Variants in ZNF784 observed in about 807,000 individuals in gnomAD.
ZNF784 encodes the protein zinc finger protein 784.
Under a neutral mutation model 3.3 loss-of-function variants are expected in ZNF784, and 5 were observed. That is an observed-to-expected ratio of 1.53 (90% confidence interval 0.80 to 3.22). ZNF784 has a LOEUF of 3.22. ZNF784 is among the 30% of genes most tolerant of loss of function. ZNF784 has a pLI of 0.00. For synonymous variants in ZNF784, 231 were observed against 219.6 expected, an observed-to-expected ratio of 1.05 and a Z score of -0.46; for missense variants, 501 against 480.7, an observed-to-expected ratio of 1.04 and a Z score of -0.39.
Position 55,622,119 on chromosome 19 carries a change from C to G in ZNF784, c.604G>C (p.Ala202Pro), listed in dbSNP as rs772840257. ...TCTGAGGAGCGGCGGAAGGGCTTGG[C>G]GCAGAACCTGCAGGCAAAAGGCTTC... is the stretch of plus-strand genomic sequence containing the variant. Reference protein sequence around the residue: ...VGKPFACRFCAKPFRRSSDMR... With the variant: ...VGKPFACRFCPKPFRRSSDMR... The change falls in exon 2 of 2, where the codon GCC becomes CCC. Residue 202 changes from alanine to proline, a missense_variant. Coordinates refer to ENST00000325351, the MANE Select transcript of ZNF784 (RefSeq NM_203374.2). This position sits in a 1 kb window ranked among gnomAD's most constrained non-coding sequence, Gnocchi z 5.9. 7.1e-6 allele frequency: 11 copies of G among 1,551,964 alleles called. No homozygotes were observed. The South Asian group carries it at 1.3e-4, about 18-fold the overall frequency.
In ZNF784 at chr19:55,622,295, G is replaced by A. The variant is rs1305713469; in HGVS notation, c.428C>T (p.Pro143Leu). The change falls in exon 2 of 2, where the codon CCC becomes CTC. Residue 143 changes from proline to leucine, a missense_variant. Coordinates refer to ENST00000325351, the MANE Select transcript of ZNF784 (RefSeq NM_203374.2). This position sits in a 1 kb window ranked among gnomAD's most constrained non-coding sequence, Gnocchi z 5.9. The part of the protein sequence containing the change: ...LCPRAFKALA[P>L]LLRHQHRHGV... ...GTGCCGGTGCTGGTGCCGGAGCAGG[G>A]GCGCCAAGGCCTTGAAGGCGCGGGG... is the stretch of plus-strand genomic sequence containing the variant. 6.6e-7 allele frequency: 1 copy of A among 1,521,896 alleles called. No individual in the cohort carries two copies. Among genetic ancestry groups the A allele is most frequent in the Admixed American group, 2.2e-5 (1 of 45,548 alleles). The allele number at this position is 1,521,896 out of a possible 1,614,324, so 94.3% of individuals were successfully genotyped here.
At position 55,621,368 on chromosome 19, in the gene ZNF784, T is replaced by G; in HGVS notation, c.*383A>C. 3 of 321,644 alleles carry G rather than the reference T, an allele frequency of 9.3e-6. No individual in the cohort carries two copies. Among genetic ancestry groups the G allele is most frequent in the East Asian group, 7.9e-5 (1 of 12,710 alleles). 19.9% of individuals were successfully genotyped at this position (321,644 alleles called of 1,614,324 possible). On this transcript the variant is annotated 3_prime_UTR_variant, in exon 2 of 2. Transcript: ENST00000325351. The surrounding 1 kb of genome is among the most constrained non-coding windows in gnomAD (Gnocchi z 4.1). ...GGTGGACCCCAATTCCCCCCTTCCA[T>G]TCGATCCTGGCTCCTCCTCTGAAGT...
Position 55,621,859 on chromosome 19 carries a change from C to G in ZNF784, c.864G>C (p.Gln288His). The change falls in exon 2 of 2, where the codon CAG (glutamine) becomes CAC (histidine). Residue 288 changes from glutamine to histidine, a missense_variant. Transcript: ENST00000325351. This position sits in a 1 kb window ranked among gnomAD's most constrained non-coding sequence, Gnocchi z 4.1. ...PGPGLGDSGGQLGSSAAEGSG... is the reference protein window; with the variant it reads ...PGPGLGDSGGHLGSSAAEGSG... ...ACCCCTCAGCCGCCGACGAGCCCAG[C>G]TGGCCTCCAGAGTCTCCCAGCCCCG... 6.3e-7 allele frequency: 1 copy of G among 1,585,552 alleles called. No individual in the cohort carries two copies. Among genetic ancestry groups the G allele is most frequent in the Non-Finnish European group, 8.5e-7 (1 of 1,173,284 alleles).
rs1256484479 is a variant in ZNF784, at chr19:55,621,844, C to A, written c.879G>T (p.Ala293=). ...CACACCCGCTCCCCGACCCCTCAGC[C>A]GCCGACGAGCCCAGCTGGCCTCCAG... ...GDSGGQLGSS[A]AEGSGSGCGV... is the part of the protein sequence containing the mutation. The change falls in exon 2 of 2, where the codon GCG becomes GCT. Residue 293 remains alanine, a synonymous_variant. Transcript: ENST00000325351. The surrounding 1 kb of genome is among the most constrained non-coding windows in gnomAD (Gnocchi z 4.1). 2 of 1,583,330 alleles carry A rather than the reference C, an allele frequency of 1.3e-6. No individual in the cohort carries two copies. The highest frequency in any genetic ancestry group is 1.7e-6 in the Non-Finnish European group (2 of 1,172,902).
Position 55,621,327 on chromosome 19 carries a change from C to A in ZNF784, c.*424G>T. On this transcript the variant is annotated 3_prime_UTR_variant, in exon 2 of 2. Transcript: ENST00000325351. This position sits in a 1 kb window ranked among gnomAD's most constrained non-coding sequence, Gnocchi z 4.1. Reference sequence around the variant, plus strand: ...CCATCCTGGTCCACCCGTGGAGGACCAGAGCAGAAGACTATGGTGGACCCC... The same window carrying A: ...CCATCCTGGTCCACCCGTGGAGGACAAGAGCAGAAGACTATGGTGGACCCC... 3.9e-6 allele frequency: 1 copy of A among 253,516 alleles called. No homozygotes were observed. The highest frequency in any genetic ancestry group is 4.8e-5 in the South Asian group (1 of 20,950). 15.7% of individuals were successfully genotyped at this position (253,516 alleles called of 1,614,324 possible).
rs933929999 is a variant in ZNF784 at position 55,621,227 on chromosome 19, C to G, written c.*524G>C. ...ATCCCAGAGTCTCTTCACAGATAAC[C>G]TGGTGAGTGTCTTCTGCCAGAGGGT... On this transcript the variant is annotated 3_prime_UTR_variant, in exon 2 of 2. Transcript: ENST00000325351. The surrounding 1 kb of genome is among the most constrained non-coding windows in gnomAD (Gnocchi z 4.1). 1 of 166,958 alleles carries G rather than the reference C, an allele frequency of 6.0e-6. No homozygotes were observed. Among genetic ancestry groups the G allele is most frequent in the Non-Finnish European group, 1.3e-5 (1 of 75,796 alleles). 10.3% of individuals were successfully genotyped at this position (166,958 alleles called of 1,614,324 possible). A position where few individuals can be genotyped will look rare whatever the true frequency, so the allele number is the denominator to read the frequency against.
In ZNF784 at chr19:55,622,169, G is replaced by A. The variant is rs752541017; in HGVS notation, c.554C>T (p.Ala185Val). ...APERAEVVMA[A>V]AAAGAAVGKP... ...CCCCACCGCTGCGCCCGCCGCCGCCGCCGCCATCACCACCTCCGCCCTCTC... is the reference window on the plus strand; with the variant it reads ...CCCCACCGCTGCGCCCGCCGCCGCCACCGCCATCACCACCTCCGCCCTCTC... Residue 185 changes from alanine (A) to valine (V), a missense_variant, in exon 2 of 2, where the codon GCG becomes GTG. Physicochemically the swap from Ala to Val is moderately conservative, Grantham distance 64. Transcript: ENST00000325351. This position sits in a 1 kb window ranked among gnomAD's most constrained non-coding sequence, Gnocchi z 5.9. 74 of 1,533,414 alleles carry A rather than the reference G, an allele frequency of 4.8e-5. No homozygotes were observed. The Admixed American group carries it at 1.3e-3, about 26-fold the overall frequency. The allele number at this position is 1,533,414 out of a possible 1,614,324, so 95.0% of individuals were successfully genotyped here. A position where few individuals can be genotyped will look rare whatever the true frequency, so the allele number is the denominator to read the frequency against.
intron 1 of ZNF784, among the ~76,000 whole-genome samples, chr19:55,623,229 C>T (rs138586079): frequency 6.6e-6 from 1 of 152,224 alleles, no homozygotes; most frequent in East Asian, 1.9e-4. Context: ...AGAGGGAGTC[C>T]CACTATGTTG....
In ZNF784 at chr19:55,622,610, G is replaced by GGT; in HGVS notation, c.111_112dup (p.Pro38HisfsTer12). On this transcript the variant is annotated frameshift_variant, in exon 2 of 2. Coordinates refer to ENST00000325351, the MANE Select transcript of ZNF784 (RefSeq NM_203374.2). LOFTEE classifies it low-confidence loss of function (END_TRUNC). This position sits in a 1 kb window ranked among gnomAD's most constrained non-coding sequence, Gnocchi z 5.9. ...CTGGATCTCGATGAGGTCACTCGGG[G>GGT]GTGTGCCAGGCCGGCAGTCATCAGG... is the stretch of plus-strand genomic sequence containing the variant. 6.3e-7 allele frequency: 1 copy of GGT among 1,579,872 alleles called. No individual in the cohort carries two copies. Among genetic ancestry groups the GGT allele is most frequent in the Non-Finnish European group, 8.6e-7 (1 of 1,162,092 alleles).
chr19:55,624,284 C>CT (rs1191711391), intron 1 of ZNF784, among the ~76,000 whole-genome samples, 200 bp downstream of exon 1: 2 of 142,108 alleles, frequency 1.4e-5, no homozygotes, highest in African/African-American at 5.2e-5. Context: ...CCATAGGTCC[C>CT]TCCCCCACCC....
At chr19:55,623,554 C>T (rs193039216) in intron 1 of ZNF784, among the ~76,000 whole-genome samples, 1 of 152,326 alleles carries the variant, frequency 6.6e-6, no homozygotes, top group East Asian at 1.9e-4. Flanking sequence ...CAGATCAAGT[C>T]ATTTTTCGCA....
intron 1 of ZNF784, among the ~76,000 whole-genome samples, chr19:55,624,011 C>T (rs1981654730): frequency 1.3e-5 from 2 of 152,100 alleles, no homozygotes; most frequent in Non-Finnish European, 2.9e-5. Context: ...CTTGGGCATT[C>T]GAGAAGCATC....
At position 55,621,312 on chromosome 19, in the gene ZNF784, C is replaced by G. The variant is rs1981541263; in HGVS notation, c.*439G>C. 2 of 233,266 alleles carry G rather than the reference C, an allele frequency of 8.6e-6. No homozygotes were observed. Among genetic ancestry groups the G allele is most frequent in the Admixed American group, 5.2e-5 (1 of 19,344 alleles). The allele number at this position is 233,266 out of a possible 1,614,324, so 14.4% of individuals were successfully genotyped here. On this transcript the variant is annotated 3_prime_UTR_variant, in exon 2 of 2. Coordinates refer to ENST00000325351, the MANE Select transcript of ZNF784 (RefSeq NM_203374.2). This position sits in a 1 kb window ranked among gnomAD's most constrained non-coding sequence, Gnocchi z 4.1. ...GGTAGGCAGGAGACTCCATCCTGGT[C>G]CACCCGTGGAGGACCAGAGCAGAAG...
chr19:55,622,416 A>G lies in ZNF784; in HGVS notation c.307T>C (p.Cys103Arg). The G allele has an allele frequency of 6.3e-7, 1 of 1,579,366 alleles. No homozygotes were observed. The highest frequency in any genetic ancestry group is 1.8e-5 in the Admixed American group (1 of 55,638). Residue 103 changes from cysteine to arginine, a missense_variant, in exon 2 of 2, where the codon TGC becomes CGC. By Grantham distance (180) the Cys-to-Arg change is radical (BLOSUM62 -3). Coordinates refer to ENST00000325351, the MANE Select transcript of ZNF784 (RefSeq NM_203374.2). This position sits in a 1 kb window ranked among gnomAD's most constrained non-coding sequence, Gnocchi z 5.9. ...GGGCAGCTGTGGCCGCACACGTGGC[A>G]CCGGCTCGGGTCCCCACCCTGCCCG... ...GGGQGGDPSRCHVCGHSCPGP... is the reference protein window; with the variant it reads ...GGGQGGDPSRRHVCGHSCPGP...
chr19:55,623,692 G>A (rs1482896512), intron 1 of ZNF784, among the ~76,000 whole-genome samples: 3 of 152,036 alleles, frequency 2.0e-5, no homozygotes, highest in East Asian at 1.9e-4. Flanking sequence ...GACTTCTCTC[G>A]TCTAAATTTA....
In ZNF784 at chr19:55,624,512, T is replaced by C. The variant is rs1252863893; in HGVS notation, c.50A>G (p.Glu17Gly). Residue 17 changes from glutamate (E) to glycine (G), a missense_variant, in exon 1 of 2, where the codon GAG becomes GGG. By Grantham distance (98) the Glu-to-Gly change is moderately conservative. Coordinates refer to ENST00000325351, the MANE Select transcript of ZNF784 (RefSeq NM_203374.2). ...EAQSRSSPTPESRSQEPLDLV... is the reference protein window; with the variant it reads ...EAQSRSSPTPGSRSQEPLDLV... ...GTCCAGTGGCTCCTGGGATCGCGAC[T>C]CCGGAGTCGGTGAGCTCCGACTCTG... 1.9e-6 allele frequency: 3 copies of C among 1,603,356 alleles called. No homozygotes were observed. The highest frequency in any genetic ancestry group is 1.7e-5 in the Admixed American group (1 of 59,352).
chr19:55,622,038 A>G lies in ZNF784; in HGVS notation c.685T>C (p.Cys229Arg), dbSNP rs1981578233. 1 of 1,592,658 alleles carries G rather than the reference A, an allele frequency of 6.3e-7. No individual in the cohort carries two copies. Among genetic ancestry groups the G allele is most frequent in the Admixed American group, 1.7e-5 (1 of 59,224 alleles). The change falls in exon 2 of 2, where the codon TGC (cysteine) becomes CGC (arginine). Residue 229 changes from cysteine to arginine, a missense_variant. Cys to Arg is a radical substitution (Grantham distance 180). Coordinates refer to ENST00000325351, the MANE Select transcript of ZNF784 (RefSeq NM_203374.2). This position sits in a 1 kb window ranked among gnomAD's most constrained non-coding sequence, Gnocchi z 5.9. ...TGERPYHCGI[C>R]GKGFTQSSVL... Reference sequence around the variant, plus strand: ...GAGGACTGGGTGAAGCCCTTGCCGCAGATGCCGCAATGGTATGGCCGCTCG... The same window carrying G: ...GAGGACTGGGTGAAGCCCTTGCCGCGGATGCCGCAATGGTATGGCCGCTCG...
In ZNF784 at chr19:55,621,787, C is replaced by T. The variant is rs561005667; in HGVS notation, c.936G>A (p.Gly312=). Residue 312 remains glycine, a synonymous_variant, in exon 2 of 2, where the codon GGG becomes GGA. Transcript: ENST00000325351. This position sits in a 1 kb window ranked among gnomAD's most constrained non-coding sequence, Gnocchi z 4.1. ...CCTCCACCTTCACCTTCGCGGTCTC[C>T]CCCCGCCCCTCCTCCGCAGGGTCCC... ...GVGDPAEEGR[G]ETAKVKVEAD... 2.5e-6 allele frequency: 4 copies of T among 1,597,106 alleles called. No homozygotes were observed. The South Asian group carries it at 3.3e-5, about 13-fold the overall frequency.
chr19:55,624,406 CACG>C, intron 1 of ZNF784, 75 bp downstream of exon 1: 5 of 1,359,988 alleles, frequency 3.7e-6, no homozygotes, highest in Non-Finnish European at 4.0e-6. Context: ...CCTCATAGGC[CACG>C]CCCCGGACCC....
Sources: gnomAD v4.1 joint callset for allele counts (sites outside exome capture counted in the v4.1 genomes callset) on GRCh38, gnomAD v4.1.1 for gene constraint, Gnocchi (gnomAD v3.1) non-coding constraint, MANE v1.5 for transcripts, NCBI Gene and HGNC (gene_info 2026-07-23, HGNC 2026-07-21) for gene names.